The following WASL variants were observed in gnomAD, a reference collection of about 807,000 sequenced individuals.
WASL encodes the protein WASP like actin nucleation promoting factor, also known as actin nucleation-promoting factor WASL.
WASL carries 20 observed loss-of-function variants against 55.5 expected under a neutral mutation model. The ratio of observed to expected loss-of-function variants is 0.36; its 90% CI spans 0.25 to 0.52. The LOEUF is 0.52. Ranked by LOEUF, WASL falls within the 20% of genes least tolerant of loss-of-function variation. WASL has a pLI of 0.92. For missense variants in WASL, 504 were observed against 622.5 expected, an observed-to-expected ratio of 0.81 and a Z score of 2.03; for synonymous variants, 249 against 217.6, an observed-to-expected ratio of 1.14 and a Z score of -1.27.
At chr7:123,741,185 A>C (rs1290671337) in intron 1 of WASL, among the ~76,000 whole-genome samples, 1 of 152,200 alleles carries the variant, frequency 6.6e-6, no homozygotes, top group East Asian at 1.9e-4. Context: ...CCTGAGACTG[A>C]AGTGAAGTAA....
intron 1 of WASL, among the ~76,000 whole-genome samples, chr7:123,743,453 A>G (rs1186491375): frequency 6.6e-6 from 1 of 152,128 alleles, no homozygotes; most frequent in Non-Finnish European, 1.5e-5. Context: ...CTCTTCAATT[A>G]GCAGCCAGGG....
intron 10 of WASL, among the ~76,000 whole-genome samples, chr7:123,688,280 T>C (rs1803329521): frequency 6.6e-6 from 1 of 152,208 alleles, no homozygotes. Flanking sequence ...TAGCAAACTC[T>C]AGAAACAGTA....
chr7:123,718,048 C>T (rs1263345483), intron 1 of WASL, among the ~76,000 whole-genome samples: 1 of 151,842 alleles, frequency 6.6e-6, no homozygotes, highest in East Asian at 1.9e-4. Context: ...TACATGGCCA[C>T]AATAGGTAGA....
At position 123,684,128 on chromosome 7, in the gene WASL, A is replaced by AT. The variant is rs138928779; in HGVS notation, c.*390dup. On this transcript the variant is annotated 3_prime_UTR_variant, in exon 11 of 11. Coordinates refer to ENST00000223023, the MANE Select transcript of WASL (RefSeq NM_003941.4). ...AAAAAAGAATGTAGTGCTATACTAG[A>AT]TTTTTTTTTAAGAAAATTTAGGTAC... is the stretch of plus-strand genomic sequence containing the variant. 1,473 of 151,870 alleles carry AT rather than the reference A, an allele frequency of 9.7e-3. 12 individuals carry two copies. The highest frequency in any genetic ancestry group is 0.018 in the South Asian group (84 of 4,800). The allele number at this position is 151,870 out of a possible 1,614,324, so 9.4% of individuals were successfully genotyped here. A position where few individuals can be genotyped will look rare whatever the true frequency, so the allele number is the denominator to read the frequency against.
chr7:123,720,192 A>C, intron 1 of WASL: 1 of 383,394 alleles, frequency 2.6e-6, no homozygotes, highest in South Asian at 2.0e-5. Context: ...CTTTACAATG[A>C]CTTCTATCAA....
chr7:123,713,154 CTTTTTA>C (rs368438288), intron 1 of WASL, among the ~76,000 whole-genome samples: 181 of 152,078 alleles, frequency 1.2e-3, no homozygotes, highest in African/African-American at 4.3e-3. Context: ...CATATTTTCT[CTTTTTA>C]TTTTTGAGAC....
At chr7:123,706,909 A>G in intron 2 of WASL, 83 bp from the exon 3 acceptor site, 1 of 738,858 alleles carries the variant, frequency 1.4e-6, no homozygotes, top group Non-Finnish European at 2.1e-6. Flanking sequence ...TCATATTAAG[A>G]AAACTGTTTA....
intron 9 of WASL, 59 bp from the exon 10 acceptor site, chr7:123,689,209 C>A: frequency 7.2e-7 from 1 of 1,395,434 alleles, no homozygotes; most frequent in South Asian, 1.2e-5. Flanking sequence ...ATCTTTGTCT[C>A]CAGAAAGTCC....
At position 123,686,671 on chromosome 7, in the gene WASL, C is replaced by T. The variant is rs147273094; in HGVS notation, c.1457-2091G>A. On this transcript the variant is annotated intron_variant, in intron 10 of 10. Transcript: ENST00000223023. ...TTCAGAATCATGTAGTTCACAGAAG[C>T]CTTACATTTCTTTATGAATGAATGA... Among the ~76,000 whole-genome samples, 110 of 152,208 alleles carry T rather than the reference C, an allele frequency of 7.2e-4. No homozygotes were observed. The Middle Eastern group carries it at 0.02, about 28-fold the overall frequency.
intron 8 of WASL, among the ~76,000 whole-genome samples, chr7:123,694,059 G>C (rs915727180): frequency 6.6e-6 from 1 of 152,208 alleles, no homozygotes; most frequent in African/African-American, 2.4e-5. Flanking sequence ...CGGAGCTTTT[G>C]CTTAACTACA....
At chr7:123,719,678 G>A (rs1054211790) in intron 1 of WASL, among the ~76,000 whole-genome samples, 2 of 152,154 alleles carry the variant, frequency 1.3e-5, no homozygotes, top group African/African-American at 2.4e-5. Flanking sequence ...CAGAGCACAA[G>A]CACCATTCTA....
At chr7:123,711,759 T>G (rs1340137544) in intron 1 of WASL, among the ~76,000 whole-genome samples, 1 of 152,186 alleles carries the variant, frequency 6.6e-6, no homozygotes, top group Admixed American at 6.5e-5. Context: ...CATTCCTTCT[T>G]GTCTTTCGTA....
At chr7:123,734,494 T>G (rs1455921286) in intron 1 of WASL, among the ~76,000 whole-genome samples, 1 of 150,984 alleles carries the variant, frequency 6.6e-6, no homozygotes, top group African/African-American at 2.4e-5. Flanking sequence ...CTGGTGTGAA[T>G]GTGGTGCAAC....
chr7:123,711,078 T>C (rs947172084), intron 1 of WASL, among the ~76,000 whole-genome samples: 1 of 152,108 alleles, frequency 6.6e-6, no homozygotes, highest in Non-Finnish European at 1.5e-5. Flanking sequence ...AAAATGAAGA[T>C]CTAAAAATCT....
intron 2 of WASL, among the ~76,000 whole-genome samples, chr7:123,708,451 A>G (rs1232962644): frequency 6.6e-6 from 1 of 152,192 alleles, no homozygotes; most frequent in African/African-American, 2.4e-5. Context: ...GCTTACTTAC[A>G]GAAAGGTTTT....
chr7:123,729,722 A>C (rs1338496053), intron 1 of WASL, among the ~76,000 whole-genome samples: 1 of 152,188 alleles, frequency 6.6e-6, no homozygotes, highest in African/African-American at 2.4e-5. Flanking sequence ...CTAACAGTGA[A>C]TTTCTGACAG....
At position 123,683,519 on chromosome 7, in the gene WASL, T is replaced by C. The variant is rs1803236449; in HGVS notation, c.*1000A>G. On this transcript the variant is annotated 3_prime_UTR_variant, in exon 11 of 11. Coordinates refer to ENST00000223023, the MANE Select transcript of WASL (RefSeq NM_003941.4). ...CCAAATCAATGCATGTTCGGTTCCG[T>C]GTTTTAGCGCACACCTTTGCCAACT... The C allele has an allele frequency of 6.6e-6, 1 of 152,034 alleles. No homozygotes were observed. Among genetic ancestry groups the C allele is most frequent in the African/African-American group, 2.4e-5 (1 of 41,420 alleles). 9.4% of individuals were successfully genotyped at this position (152,034 alleles called of 1,614,324 possible).
At chr7:123,722,665 C>G (rs1420100219) in intron 1 of WASL, among the ~76,000 whole-genome samples, 1 of 151,998 alleles carries the variant, frequency 6.6e-6, no homozygotes, top group Non-Finnish European at 1.5e-5. Flanking sequence ...ATTAAAAATA[C>G]AAAAATCAGC....
At chr7:123,701,840 C>T (rs1478415388) in intron 5 of WASL, among the ~76,000 whole-genome samples, 1 of 151,784 alleles carries the variant, frequency 6.6e-6, no homozygotes, top group East Asian at 1.9e-4. Flanking sequence ...TTATTTATTT[C>T]ATTCTTTGTG....
Sources: gnomAD v4.1 joint callset for allele counts (sites outside exome capture counted in the v4.1 genomes callset) on GRCh38, gnomAD v4.1.1 for gene constraint, MANE v1.5 for transcripts, NCBI Gene and HGNC (gene_info 2026-07-23, HGNC 2026-07-21) for gene names.